Variants in KMT2C observed in about 807,000 individuals in gnomAD.
The protein encoded by KMT2C is histone-lysine N-methyltransferase 2C.
A neutral mutation model predicts 507.9 loss-of-function variants in KMT2C; 88 were observed. That is an observed-to-expected ratio of 0.17 (90% CI 0.15 to 0.21). KMT2C has a LOEUF of 0.21. KMT2C is among the 10% of genes least tolerant of loss of function. The probability of loss-of-function intolerance (pLI) is 1.00; values close to 1 mark genes in which losing one functional copy is unlikely to be tolerated. For synonymous variants in KMT2C, 2,049 were observed against 2,080.8 expected, an observed-to-expected ratio of 0.98 and a Z score of 0.42; for missense variants, 4,954 against 5,957.8, an observed-to-expected ratio of 0.83 and a Z score of 5.55.
Position 152,138,915 on chromosome 7 carries a change from C to A in KMT2C, c.14535-11G>T, listed in dbSNP as rs139428842. ...GAATGGTTGATATACCTGCAAGCCA[C>A]CATGTCAGAAAACTGTATTGTAAAA... On this transcript the variant is annotated splice_polypyrimidine_tract_variant and intron_variant, in intron 57 of 58. Transcript: ENST00000262189. The surrounding 1 kb of genome is among the most constrained non-coding windows in gnomAD (Gnocchi z 4.2). 24 of 1,594,918 alleles carry A rather than the reference C, an allele frequency of 1.5e-5. No homozygotes were observed. Among genetic ancestry groups the A allele is most frequent in the Non-Finnish European group, 1.9e-5 (22 of 1,162,584 alleles).
chr7:152,399,568 A>G (rs1207792253), intron 1 of KMT2C, among the ~76,000 whole-genome samples: 1 of 152,112 alleles, frequency 6.6e-6, no homozygotes, highest in African/African-American at 2.4e-5. Flanking sequence ...CTGCCTGCCA[A>G]CCATTAATTC....
intron 23 of KMT2C, among the ~76,000 whole-genome samples, chr7:152,209,682 G>A (rs566980134): frequency 6.7e-6 from 1 of 149,784 alleles, no homozygotes; most frequent in Admixed American, 6.7e-5. Context: ...TGAGGCTACA[G>A]TGAGTTATGA....
At chr7:152,303,504 A>G (rs1211834173) in intron 6 of KMT2C, among the ~76,000 whole-genome samples, 2 of 152,108 alleles carry the variant, frequency 1.3e-5, no homozygotes, top group African/African-American at 4.8e-5. Context: ...CCCATTAGTG[A>G]CTCTCTTGTG....
intron 40 of KMT2C, among the ~76,000 whole-genome samples, chr7:152,170,313 G>A (rs1467477775): frequency 2.6e-5 from 4 of 151,804 alleles, no homozygotes; most frequent in African/African-American, 4.8e-5. Flanking sequence ...TAACTGGCAG[G>A]GCAAGGAAGA....
intron 7 of KMT2C, among the ~76,000 whole-genome samples, chr7:152,268,345 A>G (rs781687942): frequency 6.6e-6 from 1 of 152,166 alleles, no homozygotes; most frequent in Non-Finnish European, 1.5e-5. Context: ...TAGTTGTTGA[A>G]TATTACTTTT....
chr7:152,215,676 A>AATATATATATATATATATATATAT (rs1200314833), intron 23 of KMT2C, among the ~76,000 whole-genome samples: 1 of 134,510 alleles, frequency 7.4e-6, no homozygotes, highest in African/African-American at 3.5e-5. Context: ...AAAGGAACAA[A>AATATATATATATATATATATATAT]ATATATATAT....
chr7:152,339,308 A>G (rs2096968379), intron 2 of KMT2C, among the ~76,000 whole-genome samples: 1 of 152,198 alleles, frequency 6.6e-6, no homozygotes, highest in Non-Finnish European at 1.5e-5. Flanking sequence ...AATATTAAGA[A>G]TGTAAGCAAC....
intron 1 of KMT2C, among the ~76,000 whole-genome samples, chr7:152,364,858 A>G (rs2097226873): frequency 6.6e-6 from 1 of 152,016 alleles, no homozygotes; most frequent in Admixed American, 6.6e-5. Flanking sequence ...GTTTAGTGAA[A>G]TAATTAGCTG....
At chr7:152,236,179 C>G (rs577783357) in intron 15 of KMT2C, among the ~76,000 whole-genome samples, 7 of 152,398 alleles carry the variant, frequency 4.6e-5, no homozygotes, top group African/African-American at 1.4e-4. Context: ...TATCAGCAAG[C>G]CTTTGCATGA....
chr7:152,190,827 C>G (rs762969465), intron 31 of KMT2C, among the ~76,000 whole-genome samples: 62 of 152,288 alleles, frequency 4.1e-4, no homozygotes, highest in Non-Finnish European at 7.2e-4. Context: ...ATTGAAGTTA[C>G]TCCACTGAAG....
chr7:152,168,065 T>C (rs2092809695), intron 41 of KMT2C, among the ~76,000 whole-genome samples: 1 of 152,184 alleles, frequency 6.6e-6, no homozygotes, highest in Non-Finnish European at 1.5e-5. Context: ...TCTCCCCAAA[T>C]GGCTATATCT....
chr7:152,204,901 C>G (rs796434172), intron 25 of KMT2C, among the ~76,000 whole-genome samples: 15 of 151,692 alleles, frequency 9.9e-5, no homozygotes, highest in African/African-American at 3.4e-4. Flanking sequence ...CTTATAAAAC[C>G]TGATTACTGT....
At chr7:152,309,315 T>A (rs1002159269) in intron 6 of KMT2C, among the ~76,000 whole-genome samples, 1 of 121,232 alleles carries the variant, frequency 8.2e-6, no homozygotes, top group African/African-American at 3.4e-5. Context: ...ACAAATTAAT[T>A]TTTTTTTTTT....
At chr7:152,352,477 C>A (rs550409507) in intron 2 of KMT2C, among the ~76,000 whole-genome samples, 5 of 152,226 alleles carry the variant, frequency 3.3e-5, no homozygotes, top group African/African-American at 1.2e-4. Flanking sequence ...CTTTGAAAAT[C>A]ACTAATAAAA....
intron 2 of KMT2C, among the ~76,000 whole-genome samples, chr7:152,339,092 A>G (rs1484443348): frequency 6.6e-6 from 1 of 152,216 alleles, no homozygotes; most frequent in East Asian, 1.9e-4. Flanking sequence ...CTGATAGCAT[A>G]ACAGGCTATG....
chr7:152,320,483 A>G (rs2096763366), intron 3 of KMT2C, among the ~76,000 whole-genome samples: 1 of 152,042 alleles, frequency 6.6e-6, no homozygotes, highest in Admixed American at 6.5e-5. Flanking sequence ...TCCTGGCCTC[A>G]GGTGATCCAC....
At chr7:152,197,294 TG>T (rs2129131690) in intron 27 of KMT2C, among the ~76,000 whole-genome samples, 2 of 152,302 alleles carry the variant, frequency 1.3e-5, no homozygotes, top group East Asian at 3.9e-4. Context: ...AAGAAACTAT[TG>T]GAACTCTTGT....
intron 2 of KMT2C, among the ~76,000 whole-genome samples, chr7:152,350,082 C>T (rs1458426066): frequency 1.3e-5 from 2 of 152,072 alleles, no homozygotes; most frequent in African/African-American, 2.4e-5. Context: ...AAAACCCTGT[C>T]TCTACTAAAA....
chr7:152,393,692 T>C (rs1727919734), intron 1 of KMT2C, among the ~76,000 whole-genome samples: 1 of 152,088 alleles, frequency 6.6e-6, no homozygotes, highest in African/African-American at 2.4e-5. Flanking sequence ...AGCAGGCAGA[T>C]CACCTGCCTG....
Sources: gnomAD v4.1 joint callset for allele counts (sites outside exome capture counted in the v4.1 genomes callset) on GRCh38, gnomAD v4.1.1 for gene constraint, Gnocchi (gnomAD v3.1) non-coding constraint, MANE v1.5 for transcripts, NCBI Gene and HGNC (gene_info 2026-07-23, HGNC 2026-07-21) for gene names.